Variants in FBXL17 observed in about 807,000 individuals in gnomAD.
FBXL17 encodes F-box and leucine rich repeat protein 17, also known as F-box/LRR-repeat protein 17.
In FBXL17, 22 loss-of-function variants were observed where a neutral mutation model predicts 66.2. That is an observed-to-expected ratio of 0.33 (90% CI 0.24 to 0.47). The LOEUF is 0.47. Ranked by LOEUF, FBXL17 falls within the 20% of genes least tolerant of loss-of-function variation. FBXL17 has a pLI of 1.00. For synonymous variants in FBXL17, 474 were observed against 400.5 expected, an observed-to-expected ratio of 1.18 and a Z score of -2.19; for missense variants, 878 against 948.2, an observed-to-expected ratio of 0.93 and a Z score of 0.97.
intron 5 of FBXL17, among the ~76,000 whole-genome samples, chr5:108,217,904 CA>C (rs1416618429): frequency 1.3e-5 from 2 of 152,066 alleles, no homozygotes; most frequent in Non-Finnish European, 2.9e-5. Context: ...TTTTACTTAA[CA>C]TAATCTCCCT....
At chr5:108,254,886 A>G (rs575720664) in intron 4 of FBXL17, among the ~76,000 whole-genome samples, 59 of 152,276 alleles carry the variant, frequency 3.9e-4, no homozygotes, top group Admixed American at 2.7e-3. Context: ...GCCTATCTAC[A>G]TACACACCAC....
intron 7 of FBXL17, among the ~76,000 whole-genome samples, chr5:107,937,859 T>C (rs960079228): frequency 3.3e-5 from 5 of 151,984 alleles, no homozygotes; most frequent in Non-Finnish European, 1.5e-5. Flanking sequence ...GAGTAGAAAA[T>C]CATATCAAGA....
chr5:107,887,665 C>A (rs532726319), intron 7 of FBXL17, among the ~76,000 whole-genome samples: 1 of 152,272 alleles, frequency 6.6e-6, no homozygotes, highest in Non-Finnish European at 1.5e-5. Context: ...CTTTCAGAAT[C>A]ATTTGTTGCA....
intron 6 of FBXL17, among the ~76,000 whole-genome samples, chr5:108,155,951 T>C (rs1016662221): frequency 6.6e-6 from 1 of 152,064 alleles, no homozygotes; most frequent in African/African-American, 2.4e-5. Flanking sequence ...GCCTGGAAAA[T>C]TAGAGTACTA....
chr5:108,299,287 A>G (rs1179053196), intron 4 of FBXL17: 1 of 984,852 alleles, frequency 1.0e-6, no homozygotes, highest in Non-Finnish European at 1.2e-6. Context: ...TCTATTTCCA[A>G]ATTAAACCTG....
chr5:108,125,489 T>C (rs1401833090), intron 6 of FBXL17, among the ~76,000 whole-genome samples: 1 of 152,116 alleles, frequency 6.6e-6, no homozygotes, highest in African/African-American at 2.4e-5. Context: ...TTGTATCAGC[T>C]AGAATTTAAG....
At chr5:108,170,098 A>G (rs945571332) in intron 6 of FBXL17, among the ~76,000 whole-genome samples, 1 of 152,240 alleles carries the variant, frequency 6.6e-6, no homozygotes, top group Non-Finnish European at 1.5e-5. Flanking sequence ...ATTTATGTGC[A>G]TGTGTGCACA....
At chr5:108,091,301 G>A (rs1749179390) in intron 6 of FBXL17, among the ~76,000 whole-genome samples, 1 of 152,134 alleles carries the variant, frequency 6.6e-6, no homozygotes, top group African/African-American at 2.4e-5. Context: ...CCTTCCCACA[G>A]ACCAGTCCCT....
intron 4 of FBXL17, among the ~76,000 whole-genome samples, chr5:108,313,178 G>T (rs1759204354): frequency 6.6e-6 from 1 of 152,002 alleles, no homozygotes; most frequent in South Asian, 2.1e-4. Context: ...TCTAATACAG[G>T]TTTCTACCTG....
At position 107,980,664 on chromosome 5, in the gene FBXL17, A is replaced by ATATATATATATATATTTTTTTTTT; in HGVS notation, c.1822+40260_1822+40261insAAAAAAAAAATATATATATATATA. ...TAAAATAATATATATATATATATAT[A>ATATATATATATATATTTTTTTTTT]TTTTTTTTTTGAGATGGAGTCTTGC... On this transcript the variant is annotated intron_variant, in intron 7 of 8. Coordinates refer to ENST00000542267, the MANE Select transcript of FBXL17 (RefSeq NM_001163315.3). Among the ~76,000 whole-genome samples, 61 of 62,000 alleles carry ATATATATATATATATTTTTTTTTT rather than the reference A, an allele frequency of 9.8e-4. 1 individual carries two copies. Among genetic ancestry groups the ATATATATATATATATTTTTTTTTT allele is most frequent in the African/African-American group, 5.8e-3 (56 of 9,686 alleles). 40.7% of individuals were successfully genotyped at this position (62,000 alleles called of 152,430 possible).
chr5:108,082,209 C>T (rs1204277943), intron 6 of FBXL17, among the ~76,000 whole-genome samples: 1 of 147,590 alleles, frequency 6.8e-6, no homozygotes, highest in Non-Finnish European at 1.5e-5. Flanking sequence ...TTATTAAATC[C>T]CCTCTGGTAA....
chr5:107,882,236 C>T (rs1011910773), intron 7 of FBXL17, among the ~76,000 whole-genome samples: 3 of 152,088 alleles, frequency 2.0e-5, no homozygotes, highest in African/African-American at 7.2e-5. Flanking sequence ...ATGATAGTTC[C>T]CAAAATGTGT....
intron 4 of FBXL17, among the ~76,000 whole-genome samples, chr5:108,316,744 T>A (rs1448977496): frequency 1.3e-5 from 2 of 151,220 alleles, no homozygotes; most frequent in African/African-American, 2.4e-5. Flanking sequence ...ATGAACCAGA[T>A]AACAGCATAC....
At chr5:108,354,311 A>G (rs1561548279) in intron 3 of FBXL17, among the ~76,000 whole-genome samples, 1 of 152,216 alleles carries the variant, frequency 6.6e-6, no homozygotes, top group Non-Finnish European at 1.5e-5. Flanking sequence ...ATATGTTAAG[A>G]GCTTTAATGG....
intron 8 of FBXL17, among the ~76,000 whole-genome samples, chr5:107,869,333 C>T (rs768578254): frequency 1.3e-5 from 2 of 152,112 alleles, no homozygotes; most frequent in Admixed American, 6.5e-5. Context: ...CAGGTGCCAG[C>T]AAAAGTCATC....
chr5:108,040,011 A>G (rs886178599), intron 6 of FBXL17, among the ~76,000 whole-genome samples: 2 of 152,208 alleles, frequency 1.3e-5, no homozygotes, highest in African/African-American at 4.8e-5. Context: ...AGAAAAGTTT[A>G]TATTATAGTT....
Position 108,021,929 on chromosome 5 carries a change from C to T in FBXL17, c.1746-928G>A, listed in dbSNP as rs532339300. On this transcript the variant is annotated intron_variant, in intron 6 of 8. Coordinates refer to ENST00000542267, the MANE Select transcript of FBXL17 (RefSeq NM_001163315.3). Reference sequence around the variant, plus strand: ...AAGTAAGGATCAAGTAATTTGATACCTGTGTGCATAATCTATCAAAAAATT... The same window carrying T: ...AAGTAAGGATCAAGTAATTTGATACTTGTGTGCATAATCTATCAAAAAATT... 1.8e-3 allele frequency among the ~76,000 whole-genome samples: 277 copies of T among 151,850 alleles called. 2 individuals carry two copies. Among genetic ancestry groups the T allele is most frequent in the Non-Finnish European group, 2.5e-3 (167 of 67,792 alleles).
chr5:108,154,256 A>C (rs1751879850), intron 6 of FBXL17, among the ~76,000 whole-genome samples: 2 of 150,972 alleles, frequency 1.3e-5, no homozygotes, highest in African/African-American at 4.9e-5. Context: ...GAGGAGGAAA[A>C]AAAGAAAACA....
intron 7 of FBXL17, among the ~76,000 whole-genome samples, chr5:107,916,945 G>C (rs1750152310): frequency 6.6e-6 from 1 of 152,144 alleles, no homozygotes; most frequent in African/African-American, 2.4e-5. Context: ...ATGATCAAAG[G>C]TGTATCGCTA....
Sources: allele counts gnomAD v4.1 joint callset (sites outside exome capture counted in the v4.1 genomes callset), GRCh38; gene constraint gnomAD v4.1.1; transcripts MANE v1.5; gene names NCBI Gene and HGNC (gene_info 2026-07-23, HGNC 2026-07-21).